PHF20L1: variants seen among roughly 807,000 people sequenced by gnomAD.
The protein encoded by PHF20L1 is PHD finger protein 20 like 1, also known as PHD finger protein 20-like protein 1.
A neutral mutation model predicts 125.5 loss-of-function variants in PHF20L1; 44 were observed. The ratio of observed to expected loss-of-function variants is 0.35; its 90% CI spans 0.28 to 0.45. The LOEUF is 0.45. Ranked by LOEUF, PHF20L1 falls within the 20% of genes least tolerant of loss-of-function variation. PHF20L1 has a pLI of 1.00. For missense variants in PHF20L1, 1,012 were observed against 1,217.2 expected, an observed-to-expected ratio of 0.83 and a Z score of 2.51; for synonymous variants, 380 against 403.1, an observed-to-expected ratio of 0.94 and a Z score of 0.69.
Position 132,794,733 on chromosome 8 carries a change from GATTTTAAA to G in PHF20L1, c.257_264del (p.Asp86GlyfsTer20). On this transcript the variant is annotated frameshift_variant and splice_region_variant, in exon 4 of 21. Transcript: ENST00000395386. LOFTEE classifies it high-confidence loss of function. ...TGATCTTAAAAGTTGTTTAAAATAGGATTTTAAAGCTGGAGAAGAAGTTCTGGCTCGTT... is the reference window on the plus strand; with the variant it reads ...TGATCTTAAAAGTTGTTTAAAATAGGGCTGGAGAAGAAGTTCTGGCTCGTT... The G allele has an allele frequency of 6.2e-7, 1 of 1,607,978 alleles. No homozygotes were observed. The highest frequency in any genetic ancestry group is 1.7e-5 in the Admixed American group (1 of 59,740).
intron 8 of PHF20L1, chr8:132,806,328 GAA>G (rs1223730826): frequency 3.3e-5 from 5 of 151,982 alleles, no homozygotes; most frequent in Admixed American, 3.3e-4. Context: ...CTATGGCCTT[GAA>G]AAGACAGTAG....
At chr8:132,779,948 G>A (rs371661647) in intron 2 of PHF20L1, among the ~76,000 whole-genome samples, 4 of 152,040 alleles carry the variant, frequency 2.6e-5, no homozygotes, top group African/African-American at 9.7e-5. Flanking sequence ...AATGACCCTG[G>A]TAATAATAGT....
At chr8:132,814,437 A>G (rs1182466310) in intron 9 of PHF20L1, among the ~76,000 whole-genome samples, 200 bp from the exon 10 acceptor site, 2 of 151,982 alleles carry the variant, frequency 1.3e-5, no homozygotes, top group African/African-American at 4.8e-5. Flanking sequence ...GAAAGTTGAC[A>G]GCATCCCTTT....
In PHF20L1 at chr8:132,832,324, C is replaced by G. The variant is rs1563843385; in HGVS notation, c.1834C>G (p.Arg612Gly). The change falls in exon 15 of 21, where the codon CGA becomes GGA. Residue 612 changes from arginine to glycine, a missense_variant. Coordinates refer to ENST00000395386, the MANE Select transcript of PHF20L1 (RefSeq NM_016018.5). ...TRSSGSSLAS[R>G]SMFTEKTTTY... ...ATCTTCTGGGAGTTCTCTGGCTTCACGAAGCATGTTTACGGAGAAAACTAC... is the reference window on the plus strand; with the variant it reads ...ATCTTCTGGGAGTTCTCTGGCTTCAGGAAGCATGTTTACGGAGAAAACTAC... 6.2e-7 allele frequency: 1 copy of G among 1,610,426 alleles called. No individual in the cohort carries two copies. The highest frequency in any genetic ancestry group is 1.7e-5 in the Admixed American group (1 of 59,876).
At chr8:132,777,133 G>A (rs1829896705) in intron 1 of PHF20L1, among the ~76,000 whole-genome samples, 2 of 152,188 alleles carry the variant, frequency 1.3e-5, no homozygotes, top group South Asian at 2.1e-4. Flanking sequence ...CTTGTTGAAT[G>A]TAAAGTATAA....
In PHF20L1 at chr8:132,777,640, ACTC is replaced by A. The variant is rs567629617; in HGVS notation, c.-37-149_-37-147del. The stretch of plus-strand genomic sequence containing the variant: ...AACTTTATATAGAGATGTTGGTAAT[ACTC>A]CTTCAAATTTCTTAACAATTTGGCA... On this transcript the variant is annotated intron_variant, in intron 1 of 20. Transcript: ENST00000395386. 177 of 529,080 alleles carry A rather than the reference ACTC, an allele frequency of 3.3e-4. 1 individual carries two copies. In the East Asian group the frequency reaches 5.1e-3, roughly 15 times the overall value. The allele number at this position is 529,080 out of a possible 1,614,324, so 32.8% of individuals were successfully genotyped here. A position where few individuals can be genotyped will look rare whatever the true frequency, so the allele number is the denominator to read the frequency against.
intron 15 of PHF20L1, 143 bp downstream of exon 15, chr8:132,832,542 G>T: frequency 1.8e-6 from 1 of 558,536 alleles, no homozygotes; most frequent in Non-Finnish European, 3.1e-6. Flanking sequence ...AGAAATTTGA[G>T]CTACTTTTTA....
chr8:132,801,145 A>G (rs934236738), intron 6 of PHF20L1, among the ~76,000 whole-genome samples: 2 of 151,646 alleles, frequency 1.3e-5, no homozygotes, highest in African/African-American at 4.8e-5. Context: ...TATATTTTTA[A>G]TTTGGAAGCT....
intron 14 of PHF20L1, among the ~76,000 whole-genome samples, chr8:132,831,951 G>A (rs1396221013): frequency 6.6e-6 from 1 of 152,060 alleles, no homozygotes; most frequent in Non-Finnish European, 1.5e-5. Flanking sequence ...GAGAGAAAAT[G>A]TGAAATAATC....
intron 9 of PHF20L1, chr8:132,811,587 A>T: frequency 2.0e-6 from 2 of 983,552 alleles, no homozygotes; most frequent in Non-Finnish European, 2.4e-6. Context: ...TTTTGCTAGG[A>T]TGTATATTTT....
rs943301887 is a variant in PHF20L1 at position 132,794,810 on chromosome 8, CAAA to C, written c.334_336del (p.Lys112del). The C allele has an allele frequency of 8.1e-6, 13 of 1,601,794 alleles. No individual in the cohort carries two copies. Among genetic ancestry groups the C allele is most frequent in the Non-Finnish European group, 1.0e-5 (12 of 1,169,712 alleles). Reference sequence around the variant, plus strand: ...ACCCTGCCAAGATTGAAGCAATTAACAAAGAAGGTATGTGTTTGAAATGATCTG... The same window carrying C: ...ACCCTGCCAAGATTGAAGCAATTAACGAAGGTATGTGTTTGAAATGATCTG... On this transcript the variant is annotated inframe_deletion, in exon 4 of 21. Coordinates refer to ENST00000395386, the MANE Select transcript of PHF20L1 (RefSeq NM_016018.5).
chr8:132,775,725 T>TCTTTCCGGCCCGCTCCC, intron 1 of PHF20L1, 80 bp downstream of exon 1: 1 of 300,256 alleles, frequency 3.3e-6, no homozygotes, highest in Non-Finnish European at 6.1e-6. Context: ...CTGGTGTCTC[T>TCTTTCCGGCCCGCTCCC]CTTTCCGGCC....
In PHF20L1 at chr8:132,794,574, A is replaced by G. The variant is rs1307600468; in HGVS notation, c.248A>G (p.Asp83Gly). 3 of 1,604,756 alleles carry G rather than the reference A, an allele frequency of 1.9e-6. No homozygotes were observed. The African/African-American group carries it at 4.0e-5, about 22-fold the overall frequency. ...LRKEGLKDEE[D>G]FFDFKAGEEV... ...AAAGAAGGGCTAAAAGATGAGGAAG[A>G]TTTCTTTGTAAGTAGCAAGTTTTTT... The change falls in exon 3 of 21, where the codon GAT (aspartate) becomes GGT (glycine). Residue 83 changes from aspartate to glycine, a missense_variant. Physicochemically the swap from Asp to Gly is moderately conservative, Grantham distance 94. Around this residue, in one of 7 missense-constraint regions of PHF20L1, gnomAD observed 94 missense variants for 179.5 expected, o/e 0.52. Coordinates refer to ENST00000395386, the MANE Select transcript of PHF20L1 (RefSeq NM_016018.5).
At chr8:132,837,388 G>A (rs888091395) in intron 16 of PHF20L1, among the ~76,000 whole-genome samples, 5 of 151,860 alleles carry the variant, frequency 3.3e-5, no homozygotes, top group East Asian at 1.9e-4. Flanking sequence ...CCTAATTTCC[G>A]CATTTTAATA....
At chr8:132,785,458 A>G (rs1469081312) in intron 2 of PHF20L1, among the ~76,000 whole-genome samples, 2 of 152,206 alleles carry the variant, frequency 1.3e-5, no homozygotes, top group East Asian at 3.8e-4. Flanking sequence ...AGAAAATACT[A>G]GTTTTAATTT....
chr8:132,811,499 G>T, intron 9 of PHF20L1: 1 of 991,936 alleles, frequency 1.0e-6, no homozygotes, highest in Non-Finnish European at 1.2e-6. Flanking sequence ...TCTTTTGTAA[G>T]AAGTTTCTTT....
chr8:132,838,034 G>A (rs922968867), intron 17 of PHF20L1: 32 of 415,824 alleles, frequency 7.7e-5, no homozygotes, highest in African/African-American at 5.0e-4. Flanking sequence ...TCATTATTCA[G>A]TGTGCCAGTT....
At chr8:132,779,448 G>A (rs549313984) in intron 2 of PHF20L1, among the ~76,000 whole-genome samples, 1 of 152,324 alleles carries the variant, frequency 6.6e-6, no homozygotes, top group Non-Finnish European at 1.5e-5. Context: ...ACTACTGAAT[G>A]TCTGTGTGAT....
chr8:132,823,191 T>C (rs1186561599), intron 12 of PHF20L1, among the ~76,000 whole-genome samples: 1 of 151,994 alleles, frequency 6.6e-6, no homozygotes, highest in Admixed American at 6.6e-5. Flanking sequence ...CAAAAGTGGT[T>C]TGCAGAACAG....
Sources: gnomAD v4.1 joint callset for allele counts (sites outside exome capture counted in the v4.1 genomes callset) on GRCh38, gnomAD v4.1.1 for gene constraint, gnomAD v4.1.1 regional missense constraint, MANE v1.5 for transcripts, NCBI Gene and HGNC (gene_info 2026-07-23, HGNC 2026-07-21) for gene names.